FIGLA: variants seen among roughly 807,000 people sequenced by gnomAD.
The protein encoded by FIGLA is factor in the germline alpha.
A neutral mutation model predicts 21.5 loss-of-function variants in FIGLA; 17 were observed. That is an observed-to-expected ratio of 0.79 (90% confidence interval 0.54 to 1.19). The LOEUF is 1.19. Among genes scored for constraint, FIGLA ranks in the 50% most tolerant of loss-of-function variants. The pLI, the probability that FIGLA is intolerant of heterozygous loss-of-function variation, is 0.00. For missense variants in FIGLA, 282 were observed against 285.0 expected, an observed-to-expected ratio of 0.99 and a Z score of 0.08; for synonymous variants, 129 against 117.6, an observed-to-expected ratio of 1.10 and a Z score of -0.63.
At chr2:70,779,027 C>A (rs1393066458) in intron 3 of FIGLA, among the ~76,000 whole-genome samples, 1 of 152,116 alleles carries the variant, frequency 6.6e-6, no homozygotes, top group Non-Finnish European at 1.5e-5. Flanking sequence ...CCCAGAGAAC[C>A]ACAAGCATAG....
At chr2:70,777,417 A>T in intron 4 of FIGLA, 35 bp from the exon 5 acceptor site, 1 of 1,427,782 alleles carries the variant, frequency 7.0e-7, no homozygotes, top group Non-Finnish European at 9.3e-7. Context: ...ATAAATAGTT[A>T]AAAATAAGAA....
intron 3 of FIGLA, among the ~76,000 whole-genome samples, chr2:70,781,957 A>G (rs140319122): frequency 1.3e-5 from 2 of 152,342 alleles, no homozygotes; most frequent in African/African-American, 4.8e-5. Context: ...CCCAGTTTTG[A>G]TATTATACTA....
chr2:70,777,487 GTTTAAA>G lies in FIGLA; in HGVS notation c.645-111_645-106del, dbSNP rs1208427720. ...ATTAATTTTATTAGTAATCAAAGAT[GTTTAAA>G]TTTAAAGATACTACTTTTTTACCCA... On this transcript the variant is annotated intron_variant, in intron 4 of 4. Transcript: ENST00000332372. 8 of 1,354,792 alleles carry G rather than the reference GTTTAAA, an allele frequency of 5.9e-6. No homozygotes were observed. In the South Asian group the frequency reaches 5.9e-5, roughly 10 times the overall value. 83.9% of individuals were successfully genotyped at this position (1,354,792 alleles called of 1,614,324 possible).
rs919972350 is a variant in FIGLA, at chr2:70,790,486, C to G, written c.153G>C (p.Ser51=). Residue 51 remains serine, a synonymous_variant, in exon 1 of 5, where the codon TCG becomes TCC. Transcript: ENST00000332372. ...AAVCRLKRLP[S]GGYSSTENLQ... ...GGTTTTCAGTGGACGAGTAGCCGCC[C>G]GAGGGCAGCCGCTTGAGCCGGCAGA... 2 of 1,543,710 alleles carry G rather than the reference C, an allele frequency of 1.3e-6. No individual in the cohort carries two copies. The highest frequency in any genetic ancestry group is 1.7e-6 in the Non-Finnish European group (2 of 1,146,184).
chr2:70,785,324 C>T, intron 3 of FIGLA, 91 bp downstream of exon 3: 1 of 1,077,084 alleles, frequency 9.3e-7, no homozygotes, highest in Non-Finnish European at 1.4e-6. Flanking sequence ...TTGTTTTAAT[C>T]ATGTTTTAGC....
Position 70,787,704 on chromosome 2 carries a change from G to A in FIGLA, c.329C>T (p.Ala110Val), listed in dbSNP as rs575734669. The change falls in exon 2 of 5, where the codon GCG (alanine) becomes GTG (valine). Residue 110 changes from alanine (A) to valine (V), a missense_variant. Ala to Val is a moderately conservative substitution (Grantham distance 64). Coordinates refer to ENST00000332372, the MANE Select transcript of FIGLA (RefSeq NM_001004311.3). ...KPSKVDILKGATEYIQVLSDL... is the reference protein window; with the variant it reads ...KPSKVDILKGVTEYIQVLSDL... Reference sequence around the variant, plus strand: ...ACTGAGAACCTGTATATATTCAGTCGCACCTTTAAGGATATCAACTTTGCT... The same window carrying A: ...ACTGAGAACCTGTATATATTCAGTCACACCTTTAAGGATATCAACTTTGCT... 49 of 1,605,462 alleles carry A rather than the reference G, an allele frequency of 3.1e-5. 1 individual carries two copies. The highest frequency in any genetic ancestry group is 8.5e-5 in the Admixed American group (5 of 58,830).
intron 2 of FIGLA, among the ~76,000 whole-genome samples, chr2:70,786,602 C>A (rs549955331): frequency 6.6e-6 from 1 of 152,324 alleles, no homozygotes; most frequent in Non-Finnish European, 1.5e-5. Context: ...CCGCGCCTGG[C>A]AGACTTCTAG....
At chr2:70,778,335 G>C (rs1307286670) in intron 3 of FIGLA, among the ~76,000 whole-genome samples, 2 of 152,074 alleles carry the variant, frequency 1.3e-5, no homozygotes, top group Admixed American at 1.3e-4. Flanking sequence ...AAATTAAATA[G>C]GTTAATATGT....
chr2:70,789,605 T>C (rs566180349), intron 1 of FIGLA, among the ~76,000 whole-genome samples: 1 of 152,234 alleles, frequency 6.6e-6, no homozygotes, highest in East Asian at 1.9e-4. Flanking sequence ...GCGGTACTTC[T>C]CTCCCCAGTC....
At chr2:70,782,342 A>G (rs1324569323) in intron 3 of FIGLA, among the ~76,000 whole-genome samples, 14 of 152,226 alleles carry the variant, frequency 9.2e-5, no homozygotes, top group African/African-American at 3.4e-4. Context: ...TCTAATCGAA[A>G]GGAAACAGAC....
chr2:70,786,533 T>C (rs1675960400), intron 2 of FIGLA, among the ~76,000 whole-genome samples: 1 of 152,130 alleles, frequency 6.6e-6, no homozygotes, highest in Admixed American at 6.5e-5. Flanking sequence ...CTCGATCTCC[T>C]GACCTCATGA....
Sources: allele counts gnomAD v4.1 joint callset (sites outside exome capture counted in the v4.1 genomes callset), GRCh38; gene constraint gnomAD v4.1.1; transcripts MANE v1.5; gene names NCBI Gene and HGNC (gene_info 2026-07-23, HGNC 2026-07-21).